Variants in PARP8 observed in about 807,000 individuals in gnomAD.
PARP8 encodes poly(ADP-ribose) polymerase family member 8.
PARP8 carries 51 observed loss-of-function variants against 124.1 expected under a neutral mutation model. The ratio of observed to expected loss-of-function variants is 0.41; its 90% CI spans 0.33 to 0.52. The LOEUF (loss-of-function observed/expected upper bound fraction) is 0.52. Among genes scored for constraint, PARP8 ranks in the 20% least tolerant of loss-of-function variants. The pLI is 0.21. For missense variants in PARP8, 860 were observed against 1,018.9 expected (o/e 0.84, Z 2.12); for synonymous variants, 391 against 361.5 (o/e 1.08, Z -0.93).
At chr5:50,674,027 T>C (rs1750335865) in intron 2 of PARP8, among the ~76,000 whole-genome samples, 2 of 152,218 alleles carry the variant, frequency 1.3e-5, no homozygotes, top group Non-Finnish European at 2.9e-5. Context: ...CTTTCCTTTT[T>C]CATTCTCTAA....
intron 10 of PARP8, 64 bp downstream of exon 10, chr5:50,788,653 A>T (rs1204373872): frequency 2.9e-6 from 4 of 1,368,330 alleles, no homozygotes; most frequent in Non-Finnish European, 4.0e-6. Flanking sequence ...CATTTTGTTC[A>T]TTAAAACAAA....
At chr5:50,813,831 A>C (rs1002953943) in intron 14 of PARP8, among the ~76,000 whole-genome samples, 1 of 152,116 alleles carries the variant, frequency 6.6e-6, no homozygotes, top group African/African-American at 2.4e-5. Flanking sequence ...GTACACGCAC[A>C]CAGACACGCA....
chr5:50,729,086 T>A (rs1164406970), intron 2 of PARP8, among the ~76,000 whole-genome samples: 1 of 152,182 alleles, frequency 6.6e-6, no homozygotes, highest in Non-Finnish European at 1.5e-5. Context: ...ATTGCTCCTC[T>A]TCTAAAGTGA....
At chr5:50,723,495 A>AT (rs994392868) in intron 2 of PARP8, among the ~76,000 whole-genome samples, 20 of 151,836 alleles carry the variant, frequency 1.3e-4, no homozygotes, top group East Asian at 1.2e-3. Context: ...AAAAGAAGTG[A>AT]TTTTTTTTGT....
intron 2 of PARP8, among the ~76,000 whole-genome samples, chr5:50,693,867 A>G (rs12055210): frequency 0.53 from 80,084 of 151,220 alleles, 23,196 homozygotes; most frequent in East Asian, 0.64. Flanking sequence ...TAAGCACCCA[A>G]AGATAATGTG....
chr5:50,833,445 A>T (rs1747210239), intron 23 of PARP8: 2 of 454,238 alleles, frequency 4.4e-6, no homozygotes, highest in African/African-American at 4.0e-5. Flanking sequence ...TGGGAAAATT[A>T]AAAAATCATC....
intron 2 of PARP8, among the ~76,000 whole-genome samples, chr5:50,707,318 A>C (rs906257835): frequency 6.6e-6 from 1 of 152,050 alleles, no homozygotes; most frequent in South Asian, 2.1e-4. Context: ...ACTGTCTTTG[A>C]TACATAGAAA....
At position 50,778,583 on chromosome 5, in the gene PARP8, A is replaced by C. The variant is rs769262102; in HGVS notation, c.603A>C (p.Glu201Asp). The C allele has an allele frequency of 3.1e-6, 5 of 1,609,752 alleles. No individual in the cohort carries two copies. The highest frequency in any genetic ancestry group is 2.2e-5 in the East Asian group (1 of 44,750). The change falls in exon 9 of 26, where the codon GAA becomes GAC. Residue 201 changes from glutamate (E) to aspartate (D), a missense_variant. Glu to Asp is a conservative substitution (Grantham distance 45). Transcript: ENST00000281631. The part of the protein sequence containing the change: ...FLDEEIAVAW[E>D]VIRTEPIIVR... ...AGGAGGAGATTGCTGTGGCTTGGGA[A>C]GTAATTCGAACAGAACCTATAATTG... is the stretch of plus-strand genomic sequence containing the variant.
chr5:50,722,960 C>T (rs1478601096), intron 2 of PARP8, among the ~76,000 whole-genome samples: 1 of 152,120 alleles, frequency 6.6e-6, no homozygotes, highest in East Asian at 1.9e-4. Flanking sequence ...ATCTGTAATG[C>T]AGCTTGGCAG....
At chr5:50,714,664 G>A (rs530653547) in intron 2 of PARP8, among the ~76,000 whole-genome samples, 1 of 152,142 alleles carries the variant, frequency 6.6e-6, no homozygotes, top group African/African-American at 2.4e-5. Context: ...ATTGGAAGCT[G>A]TGGGGTGCCC....
intron 2 of PARP8, among the ~76,000 whole-genome samples, chr5:50,717,562 C>T (rs1478556358): frequency 4.6e-5 from 7 of 151,648 alleles, no homozygotes; most frequent in Admixed American, 4.6e-4. Flanking sequence ...ATTTAAAGCC[C>T]AAGAGTAGAT....
At chr5:50,801,103 C>G (rs1743168656) in intron 14 of PARP8, among the ~76,000 whole-genome samples, 1 of 151,606 alleles carries the variant, frequency 6.6e-6, no homozygotes, top group African/African-American at 2.4e-5. Context: ...AGTTATAGGG[C>G]TATCCAAATT....
At chr5:50,708,846 A>G (rs1333772840) in intron 2 of PARP8, among the ~76,000 whole-genome samples, 4 of 151,952 alleles carry the variant, frequency 2.6e-5, no homozygotes, top group Non-Finnish European at 4.4e-5. Context: ...CAGTGGCATA[A>G]TCATAGCTCA....
chr5:50,775,836 C>A (rs1357425414), intron 7 of PARP8, among the ~76,000 whole-genome samples: 3 of 152,024 alleles, frequency 2.0e-5, no homozygotes, highest in Non-Finnish European at 4.4e-5. Context: ...TCATGTCATC[C>A]ACAAACAGGA....
At position 50,815,490 on chromosome 5, in the gene PARP8, A is replaced by G; in HGVS notation, c.1634A>G (p.Asn545Ser). Residue 545 changes from asparagine (N) to serine (S), a missense_variant, in exon 15 of 26, where the codon AAT (asparagine) becomes AGT (serine). By Grantham distance (46) the Asn-to-Ser change is conservative (BLOSUM62 1). Transcript: ENST00000281631. ...VFAFQTLGVM[N>S]EAADEIATGA... ...GCTTTTCAAACCCTGGGAGTAATGAATGAAGCTGCTGATGAAATAGCAACT... is the reference window on the plus strand; with the variant it reads ...GCTTTTCAAACCCTGGGAGTAATGAGTGAAGCTGCTGATGAAATAGCAACT... The G allele has an allele frequency of 1.2e-6, 2 of 1,600,044 alleles. No homozygotes were observed. Among genetic ancestry groups the G allele is most frequent in the South Asian group, 1.1e-5 (1 of 89,854 alleles).
chr5:50,667,422 C>T, intron 1 of PARP8: 2 of 702,104 alleles, frequency 2.8e-6, no homozygotes, highest in South Asian at 3.0e-5. Context: ...GCAGAGCCCG[C>T]GTGGCCGGAG....
chr5:50,718,517 G>A (rs1294631861), intron 2 of PARP8, among the ~76,000 whole-genome samples: 1 of 151,836 alleles, frequency 6.6e-6, no homozygotes, highest in Non-Finnish European at 1.5e-5. Flanking sequence ...TGTGCCAACA[G>A]TAATTTGGTT....
chr5:50,811,723 A>G (rs1744469064), intron 14 of PARP8, among the ~76,000 whole-genome samples: 1 of 152,060 alleles, frequency 6.6e-6, no homozygotes, highest in Non-Finnish European at 1.5e-5. Context: ...ATATCTCCTA[A>G]TGCTATCCCT....
intron 9 of PARP8, among the ~76,000 whole-genome samples, chr5:50,785,901 T>C (rs1482116911): frequency 1.3e-5 from 2 of 152,164 alleles, no homozygotes; most frequent in Admixed American, 6.5e-5. Context: ...TAAGCTCTTA[T>C]ATGTCATCTT....
Sources: gnomAD v4.1 joint callset for allele counts (sites outside exome capture counted in the v4.1 genomes callset) on GRCh38, gnomAD v4.1.1 for gene constraint, MANE v1.5 for transcripts, NCBI Gene and HGNC (gene_info 2026-07-23, HGNC 2026-07-21) for gene names.